MEIOSIN: variants seen among roughly 807,000 people sequenced by gnomAD.
MEIOSIN encodes the protein meiosis initiator.
A neutral mutation model predicts 23.4 loss-of-function variants in MEIOSIN; 18 were observed. The observed-to-expected ratio is 0.77, with a 90% confidence interval of 0.53 to 1.14. The LOEUF (loss-of-function observed/expected upper bound fraction) is 1.14, where lower values mean the gene tolerates loss of function less well. MEIOSIN is among the 50% of genes most tolerant of loss of function. The pLI is 0.00. For missense variants in MEIOSIN, 428 were observed against 242.9 expected, an observed-to-expected ratio of 1.76 and a Z score of -5.07; for synonymous variants, 187 against 100.6, an observed-to-expected ratio of 1.86 and a Z score of -5.14.
intron 13 of MEIOSIN, 65 bp from the exon 14 acceptor site, chr19:45,763,273 G>A (rs936483780): frequency 1.5e-5 from 6 of 398,394 alleles, no homozygotes; most frequent in Non-Finnish European, 1.8e-5. Flanking sequence ...GGCTAGGAAG[G>A]GTCTGAGTTC....
chr19:45,737,743 G>C (rs1280031601), intron 2 of MEIOSIN, among the ~76,000 whole-genome samples: 1 of 151,862 alleles, frequency 6.6e-6, no homozygotes, highest in Non-Finnish European at 1.5e-5. Flanking sequence ...GTCCAGCCTG[G>C]CCAACATGGT....
chr19:45,758,856 G>A, intron 9 of MEIOSIN, 22 bp from the exon 10 acceptor site: 1 of 702,256 alleles, frequency 1.4e-6, no homozygotes. Flanking sequence ...CCACACCCCT[G>A]AGTCTGCTGT....
chr19:45,735,896 T>G (rs1167830693), intron 2 of MEIOSIN, among the ~76,000 whole-genome samples: 1 of 152,130 alleles, frequency 6.6e-6, no homozygotes, highest in Non-Finnish European at 1.5e-5. Flanking sequence ...AGGCTAGTCT[T>G]CAACTCCTGG....
intron 13 of MEIOSIN, among the ~76,000 whole-genome samples, 180 bp from the exon 14 acceptor site, chr19:45,763,158 A>G (rs1968983128): frequency 6.6e-6 from 1 of 151,912 alleles, no homozygotes; most frequent in African/African-American, 2.4e-5. Context: ...GGTCCCCTGC[A>G]CTCTCCTGGG....
intron 2 of MEIOSIN, among the ~76,000 whole-genome samples, chr19:45,737,751 G>C (rs2146172535): frequency 6.6e-6 from 1 of 151,980 alleles, no homozygotes; most frequent in African/African-American, 2.4e-5. Flanking sequence ...TGGCCAACAT[G>C]GTGAAACTCC....
At chr19:45,753,528 T>C in intron 5 of MEIOSIN, 123 bp from the exon 6 acceptor site, 1 of 596,494 alleles carries the variant, frequency 1.7e-6, no homozygotes, top group Non-Finnish European at 3.0e-6. Flanking sequence ...GTTTCCACAC[T>C]GTAAAGTCAG....
intron 6 of MEIOSIN, among the ~76,000 whole-genome samples, chr19:45,754,213 G>A (rs1968770945): frequency 2.0e-5 from 3 of 152,176 alleles, no homozygotes; most frequent in South Asian, 4.1e-4. Flanking sequence ...CTGACCTCAA[G>A]TAATCTGCCT....
At chr19:45,737,281 A>G in intron 2 of MEIOSIN, among the ~76,000 whole-genome samples, 1 of 150,920 alleles carries the variant, frequency 6.6e-6, no homozygotes, top group Non-Finnish European at 1.5e-5. Flanking sequence ...CTGGGCTCAA[A>G]CAATCTTCCC....
chr19:45,741,351 A>G (rs1968501993), intron 3 of MEIOSIN, among the ~76,000 whole-genome samples: 1 of 148,788 alleles, frequency 6.7e-6, no homozygotes. Context: ...TCTCGGGGGA[A>G]AAAAAAAAGA....
At chr19:45,751,066 A>G (rs987134713) in intron 5 of MEIOSIN, among the ~76,000 whole-genome samples, 3 of 151,966 alleles carry the variant, frequency 2.0e-5, no homozygotes, top group Non-Finnish European at 2.9e-5. Context: ...TGAGGTCAGG[A>G]GTTCGAGACC....
chr19:45,761,874 G>T lies in MEIOSIN; in HGVS notation c.1434+7G>T. 1.5e-6 allele frequency: 1 copy of T among 645,460 alleles called. No homozygotes were observed. The allele number at this position is 645,460 out of a possible 1,614,324, so 40.0% of individuals were successfully genotyped here. On this transcript the variant is annotated splice_region_variant and intron_variant, in intron 12 of 14. Transcript: ENST00000457052. ...CCTGTGGAAGCAGCGAGAGGTGAGA[G>T]ACACGGCCGCATGCCAGGGCCAGCA...
In MEIOSIN at chr19:45,764,252, A is replaced by AG. The variant is rs922673593; in HGVS notation, c.*140dup. On this transcript the variant is annotated 3_prime_UTR_variant, in exon 15 of 15. Transcript: ENST00000457052. ...GAATGCAGGTCCCATGGGACTGGGGAGGGGGGCACTGATTAGCCCCAACCG... is the reference window on the plus strand; with the variant it reads ...GAATGCAGGTCCCATGGGACTGGGGAGGGGGGGCACTGATTAGCCCCAACCG... 2.5e-6 allele frequency: 1 copy of AG among 397,446 alleles called. No individual in the cohort carries two copies. Among genetic ancestry groups the AG allele is most frequent in the Non-Finnish European group, 4.4e-6 (1 of 225,794 alleles). 24.6% of individuals were successfully genotyped at this position (397,446 alleles called of 1,614,324 possible). A position where few individuals can be genotyped will look rare whatever the true frequency, so the allele number is the denominator to read the frequency against.
intron 5 of MEIOSIN, among the ~76,000 whole-genome samples, chr19:45,751,716 T>C (rs1455126373): frequency 7.1e-6 from 1 of 141,192 alleles, no homozygotes; most frequent in African/African-American, 2.7e-5. Flanking sequence ...CCAGGTGCTG[T>C]GGTATGTTTC....
intron 5 of MEIOSIN, among the ~76,000 whole-genome samples, chr19:45,752,011 C>G (rs879751201): frequency 4.1e-4 from 58 of 142,646 alleles, no homozygotes; most frequent in Non-Finnish European, 6.8e-4. Flanking sequence ...GGGATTACAG[C>G]TGTGAGCCCC....
rs898599421 is a variant in MEIOSIN, at chr19:45,745,216, C to T, written c.201C>T (p.Leu67=). 1.4e-6 allele frequency: 1 copy of T among 702,836 alleles called. No individual in the cohort carries two copies. Among genetic ancestry groups the T allele is most frequent in the African/African-American group, 1.7e-5 (1 of 57,224 alleles). The allele number at this position is 702,836 out of a possible 1,614,324, so 43.5% of individuals were successfully genotyped here. A position where few individuals can be genotyped will look rare whatever the true frequency, so the allele number is the denominator to read the frequency against. The change falls in exon 4 of 15, where the codon CTC becomes CTT. Residue 67 remains leucine (L), a synonymous_variant. Transcript: ENST00000457052. ...KLRNQRNQNK[L]LSPNKKQRKN... ...GGAATCAGAGGAACCAAAACAAGCTCCTGTCCCCAAACAAGAAGCAGAGGA... is the reference window on the plus strand; with the variant it reads ...GGAATCAGAGGAACCAAAACAAGCTTCTGTCCCCAAACAAGAAGCAGAGGA...
At chr19:45,742,782 G>A (rs1315798217) in intron 3 of MEIOSIN, among the ~76,000 whole-genome samples, 3 of 152,042 alleles carry the variant, frequency 2.0e-5, no homozygotes, top group South Asian at 2.1e-4. Flanking sequence ...GGGTGACAGA[G>A]CAAGACTCTG....
intron 11 of MEIOSIN, 79 bp downstream of exon 11, chr19:45,759,569 A>G (rs1968899590): frequency 5.8e-6 from 4 of 687,972 alleles, no homozygotes; most frequent in Non-Finnish European, 1.1e-5. Context: ...TCATTCACTC[A>G]TCCACTCCCT....
intron 5 of MEIOSIN, among the ~76,000 whole-genome samples, chr19:45,751,022 C>A (rs1968692941): frequency 6.6e-6 from 1 of 152,100 alleles, no homozygotes; most frequent in African/African-American, 2.4e-5. Flanking sequence ...CCTGTACTCC[C>A]GGCACTTTGG....
intron 8 of MEIOSIN, among the ~76,000 whole-genome samples, chr19:45,756,510 A>G (rs1968833119): frequency 6.6e-6 from 1 of 152,136 alleles, no homozygotes; most frequent in Non-Finnish European, 1.5e-5. Context: ...CTCAACCTTC[A>G]GGGCTCAAGC....
Sources: allele counts gnomAD v4.1 joint callset (sites outside exome capture counted in the v4.1 genomes callset), GRCh38; gene constraint gnomAD v4.1.1; transcripts MANE v1.5; gene names NCBI Gene and HGNC (gene_info 2026-07-23, HGNC 2026-07-21).